ADAMTS20: variants seen among roughly 807,000 people sequenced by gnomAD.
ADAMTS20 encodes ADAM metallopeptidase with thrombospondin type 1 motif 20.
ADAMTS20 carries 225 observed loss-of-function variants against 260.1 expected under a neutral mutation model. The observed-to-expected ratio is 0.87, with a 90% CI of 0.78 to 0.97. The LOEUF (loss-of-function observed/expected upper bound fraction) is 0.97. ADAMTS20 is among the 50% of genes least tolerant of loss of function. The pLI, the probability that ADAMTS20 is intolerant of heterozygous loss-of-function variation, is 0.00. For synonymous variants in ADAMTS20, 802 were observed against 769.5 expected, an observed-to-expected ratio of 1.04 and a Z score of -0.70; for missense variants, 2,400 against 2,337.7, an observed-to-expected ratio of 1.03 and a Z score of -0.55.
At chr12:43,449,018 G>C (rs922799581) in intron 14 of ADAMTS20, among the ~76,000 whole-genome samples, 1 of 152,092 alleles carries the variant, frequency 6.6e-6, no homozygotes, top group Middle Eastern at 3.2e-3. Context: ...AAAAGAGAAC[G>C]GTTATACACC....
intron 37 of ADAMTS20, among the ~76,000 whole-genome samples, chr12:43,357,141 C>T (rs1190954701): frequency 6.6e-6 from 1 of 152,126 alleles, no homozygotes; most frequent in Non-Finnish European, 1.5e-5. Flanking sequence ...ATACTTCAGA[C>T]TATCTTTGTT....
At chr12:43,435,652 A>C (rs1474653268) in intron 18 of ADAMTS20, among the ~76,000 whole-genome samples, 6 of 144,922 alleles carry the variant, frequency 4.1e-5, no homozygotes, top group African/African-American at 7.6e-5. Context: ...AAAAAAAAAA[A>C]AAAAACAAAA....
At chr12:43,483,245 G>A (rs1164078086) in intron 7 of ADAMTS20, among the ~76,000 whole-genome samples, 1 of 152,156 alleles carries the variant, frequency 6.6e-6, no homozygotes, top group Non-Finnish European at 1.5e-5. Context: ...GAAGCAGCAA[G>A]ATTCACGGTA....
intron 28 of ADAMTS20, among the ~76,000 whole-genome samples, chr12:43,413,438 C>A (rs554649875): frequency 2.4e-4 from 37 of 152,156 alleles, no homozygotes; most frequent in Non-Finnish European, 4.0e-4. Flanking sequence ...CTACTGTGAG[C>A]AAGTCTTTTT....
intron 18 of ADAMTS20, among the ~76,000 whole-genome samples, chr12:43,437,400 T>A (rs1200294871): frequency 3.9e-5 from 6 of 152,180 alleles, no homozygotes; most frequent in Non-Finnish European, 7.3e-5. Flanking sequence ...CAAATTGGAA[T>A]GGCATCTTAA....
chr12:43,445,599 CT>C (rs1311696574), intron 15 of ADAMTS20, among the ~76,000 whole-genome samples: 1 of 151,916 alleles, frequency 6.6e-6, no homozygotes, highest in African/African-American at 2.4e-5. Context: ...AATTTCAGGA[CT>C]TTGGGAGGCC....
At chr12:43,397,711 T>C (rs1345761388) in intron 29 of ADAMTS20, among the ~76,000 whole-genome samples, 1 of 152,218 alleles carries the variant, frequency 6.6e-6, no homozygotes, top group Non-Finnish European at 1.5e-5. Context: ...ATTGATTTAT[T>C]TGATGAACAT....
intron 7 of ADAMTS20, among the ~76,000 whole-genome samples, chr12:43,469,049 G>T (rs1368029277): frequency 6.6e-6 from 1 of 152,078 alleles, no homozygotes; most frequent in Non-Finnish European, 1.5e-5. Flanking sequence ...GCAGGAAAGA[G>T]ATTAAATGTG....
intron 28 of ADAMTS20, chr12:43,422,903 G>A (rs1941262129): frequency 6.6e-6 from 1 of 151,878 alleles, no homozygotes; most frequent in Admixed American, 6.6e-5. Flanking sequence ...ACAAAAAATA[G>A]CATAACAAAA....
intron 2 of ADAMTS20, among the ~76,000 whole-genome samples, chr12:43,542,869 T>C (rs778305355): frequency 7.2e-5 from 11 of 152,170 alleles, no homozygotes; most frequent in Non-Finnish European, 1.6e-4. Flanking sequence ...CTTTCAGAAT[T>C]ACCCCAGCAT....
intron 7 of ADAMTS20, among the ~76,000 whole-genome samples, chr12:43,480,657 G>A (rs1291093690): frequency 6.6e-6 from 1 of 152,152 alleles, no homozygotes; most frequent in Non-Finnish European, 1.5e-5. Context: ...ATTTGCAACA[G>A]CATGGATGAA....
At chr12:43,422,184 T>A (rs906308091) in intron 28 of ADAMTS20, among the ~76,000 whole-genome samples, 1 of 152,034 alleles carries the variant, frequency 6.6e-6, no homozygotes, top group East Asian at 1.9e-4. Context: ...ATGAAGAAAA[T>A]TTAAATGTAT....
At chr12:43,544,608 G>T (rs941556945) in intron 2 of ADAMTS20, among the ~76,000 whole-genome samples, 1 of 152,138 alleles carries the variant, frequency 6.6e-6, no homozygotes, top group Admixed American at 6.5e-5. Context: ...GCTCAAAATG[G>T]ATCAGGAAGG....
intron 29 of ADAMTS20, among the ~76,000 whole-genome samples, chr12:43,385,184 G>A (rs1341937625): frequency 1.3e-5 from 2 of 152,104 alleles, no homozygotes; most frequent in Non-Finnish European, 2.9e-5. Context: ...TTGTGGTTTT[G>A]ATTTGCATTT....
At chr12:43,509,291 G>T (rs1332116058) in intron 3 of ADAMTS20, among the ~76,000 whole-genome samples, 1 of 151,984 alleles carries the variant, frequency 6.6e-6, no homozygotes, top group Non-Finnish European at 1.5e-5. Flanking sequence ...AAAGGAAAGA[G>T]AACCAAAATT....
At chr12:43,531,724 G>C (rs562402056) in intron 3 of ADAMTS20, among the ~76,000 whole-genome samples, 2 of 152,178 alleles carry the variant, frequency 1.3e-5, no homozygotes, top group South Asian at 4.1e-4. Flanking sequence ...GGTGACTATA[G>C]TTAATAACAA....
At chr12:43,426,836 AAAAATCTAGAATATGCATTTTTT>A (rs1266891802) in intron 27 of ADAMTS20, among the ~76,000 whole-genome samples, 4 of 152,204 alleles carry the variant, frequency 2.6e-5, no homozygotes, top group African/African-American at 4.8e-5. Context: ...GAGTCTGCTG[AAAAATCTAGAATATGCATTTTTT>A]AAATCATGAA....
At chr12:43,414,687 G>C (rs1164618767) in intron 28 of ADAMTS20, among the ~76,000 whole-genome samples, 1 of 152,012 alleles carries the variant, frequency 6.6e-6, no homozygotes, top group Non-Finnish European at 1.5e-5. Flanking sequence ...ATAATATCAA[G>C]TGTTGACAAG....
intron 3 of ADAMTS20, among the ~76,000 whole-genome samples, chr12:43,511,690 A>C (rs1239461125): frequency 1.3e-5 from 2 of 152,280 alleles, no homozygotes; most frequent in South Asian, 4.1e-4. Context: ...GTGCTCTTTG[A>C]TTTGCCTAAA....
Sources: allele counts gnomAD v4.1 joint callset (sites outside exome capture counted in the v4.1 genomes callset), GRCh38; gene constraint gnomAD v4.1.1; transcripts MANE v1.5; gene names NCBI Gene and HGNC (gene_info 2026-07-23, HGNC 2026-07-21).